PPM1H: variants seen among roughly 807,000 people sequenced by gnomAD.
PPM1H encodes the protein protein phosphatase 1H.
In PPM1H, 27 loss-of-function variants were observed where a neutral mutation model predicts 54.9. That is an observed-to-expected ratio of 0.49 (90% CI 0.36 to 0.68). The LOEUF (loss-of-function observed/expected upper bound fraction) is 0.68. Among genes scored for constraint, PPM1H ranks in the 30% least tolerant of loss-of-function variants. The probability of loss-of-function intolerance (pLI) is 0.00; values close to 1 mark genes in which losing one functional copy is unlikely to be tolerated. For missense variants in PPM1H, 596 were observed against 667.8 expected (o/e 0.89, Z 1.19); for synonymous variants, 305 against 270.8 (o/e 1.13, Z -1.24).
intron 4 of PPM1H, among the ~76,000 whole-genome samples, chr12:62,742,796 G>T (rs372837988): frequency 6.6e-6 from 1 of 152,128 alleles, no homozygotes; most frequent in African/African-American, 2.4e-5. Context: ...GAAAGTTGCC[G>T]GGGTTGAGGT....
intron 1 of PPM1H, among the ~76,000 whole-genome samples, chr12:62,911,902 C>T (rs1044387936): frequency 8.5e-5 from 13 of 152,208 alleles, no homozygotes; most frequent in Admixed American, 1.3e-4. Flanking sequence ...CACCCCTTAT[C>T]GCCTGATCCT....
rs574149301 is a variant in PPM1H at position 62,841,728 on chromosome 12, T to G, written c.246-9449A>C. On this transcript the variant is annotated intron_variant, in intron 1 of 9. Coordinates refer to ENST00000228705, the MANE Select transcript of PPM1H (RefSeq NM_020700.2). ...CATTAGTAGTAACATTAGCTGTGGA[T>G]ACACTTTGCTTTACCATTTGGAGGC... 1.2e-4 allele frequency among the ~76,000 whole-genome samples: 19 copies of G among 152,348 alleles called. No homozygotes were observed. In the South Asian group the frequency reaches 3.9e-3, roughly 32 times the overall value.
At chr12:62,774,584 C>A (rs1454536775) in intron 4 of PPM1H, among the ~76,000 whole-genome samples, 1 of 152,180 alleles carries the variant, frequency 6.6e-6, no homozygotes, top group East Asian at 1.9e-4. Flanking sequence ...TCAAATTATT[C>A]TCCTGCTTCA....
At chr12:62,913,643 T>C (rs919428616) in intron 1 of PPM1H, among the ~76,000 whole-genome samples, 3 of 152,174 alleles carry the variant, frequency 2.0e-5, no homozygotes, top group Non-Finnish European at 2.9e-5. Context: ...CTTGTCTTTG[T>C]GTACTTGGCA....
chr12:62,832,309 A>T, intron 1 of PPM1H, 30 bp from the exon 2 acceptor site: 1 of 1,580,784 alleles, frequency 6.3e-7, no homozygotes, highest in South Asian at 1.1e-5. Context: ...AGCTGGTCAG[A>T]CAGACCGATA....
intron 2 of PPM1H, among the ~76,000 whole-genome samples, chr12:62,804,885 T>C (rs966144392): frequency 2.6e-5 from 4 of 151,574 alleles, no homozygotes; most frequent in Admixed American, 6.6e-5. Context: ...CCGTTTTAGC[T>C]GGGATGGTCT....
intron 4 of PPM1H, among the ~76,000 whole-genome samples, chr12:62,771,494 A>G (rs144115600): frequency 3.9e-5 from 6 of 152,276 alleles, no homozygotes; most frequent in African/African-American, 9.6e-5. Context: ...CAGGAACGCT[A>G]TCAGAAAAGT....
At chr12:62,884,834 G>A (rs957011564) in intron 1 of PPM1H, among the ~76,000 whole-genome samples, 1 of 152,162 alleles carries the variant, frequency 6.6e-6, no homozygotes, top group Non-Finnish European at 1.5e-5. Context: ...GCACATCAAG[G>A]TTCTCATTTG....
At chr12:62,841,873 C>T (rs941559039) in intron 1 of PPM1H, among the ~76,000 whole-genome samples, 11 of 152,166 alleles carry the variant, frequency 7.2e-5, no homozygotes, top group Non-Finnish European at 1.5e-4. Flanking sequence ...TAAATATCAG[C>T]GTTTTCTTCT....
chr12:62,893,155 A>G (rs1268827309), intron 1 of PPM1H, among the ~76,000 whole-genome samples: 2 of 152,220 alleles, frequency 1.3e-5, no homozygotes, highest in African/African-American at 4.8e-5. Context: ...AAAATATGTG[A>G]CAGAGATCGT....
chr12:62,899,316 A>C (rs1354555065), intron 1 of PPM1H, among the ~76,000 whole-genome samples: 2 of 152,142 alleles, frequency 1.3e-5, no homozygotes, highest in African/African-American at 4.8e-5. Flanking sequence ...CACACCTGTA[A>C]TACCAGACAC....
chr12:62,696,953 CG>C (rs2076118265), intron 6 of PPM1H, among the ~76,000 whole-genome samples: 1 of 152,134 alleles, frequency 6.6e-6, no homozygotes, highest in African/African-American at 2.4e-5. Flanking sequence ...CCACTCTCTT[CG>C]GGTGACCAGC....
chr12:62,894,769 C>T (rs978890910), intron 1 of PPM1H, among the ~76,000 whole-genome samples: 8 of 152,174 alleles, frequency 5.3e-5, no homozygotes, highest in East Asian at 1.9e-4. Flanking sequence ...CCGTGGCTCA[C>T]GCCTTTAATC....
At chr12:62,845,871 G>T (rs1270519660) in intron 1 of PPM1H, among the ~76,000 whole-genome samples, 1 of 152,070 alleles carries the variant, frequency 6.6e-6, no homozygotes, top group Non-Finnish European at 1.5e-5. Flanking sequence ...TCTCCTTCCT[G>T]TCTCAAATAC....
In PPM1H at chr12:62,817,394, G is replaced by A. The variant is rs187822730; in HGVS notation, c.411+14720C>T. Among the ~76,000 whole-genome samples the A allele has an allele frequency of 2.8e-4, 42 of 151,468 alleles. No homozygotes were observed. In the East Asian group the frequency reaches 4.9e-3, roughly 18 times the overall value. Reference sequence around the variant, plus strand: ...GGAGAATGGCGTGAACCTGGCAGGCGGAGCTTGCAGTGAGCCAAGATAGCG... The same window carrying A: ...GGAGAATGGCGTGAACCTGGCAGGCAGAGCTTGCAGTGAGCCAAGATAGCG... On this transcript the variant is annotated intron_variant, in intron 2 of 9. Transcript: ENST00000228705.
chr12:62,767,768 G>A (rs992039522), intron 4 of PPM1H, among the ~76,000 whole-genome samples: 106 of 152,142 alleles, frequency 7.0e-4, no homozygotes, highest in Non-Finnish European at 1.5e-4. Flanking sequence ...GTAGGGCCAC[G>A]CTCCTTCTGA....
intron 5 of PPM1H, among the ~76,000 whole-genome samples, chr12:62,728,322 A>G (rs1483839061): frequency 6.6e-6 from 1 of 152,228 alleles, no homozygotes; most frequent in Admixed American, 6.5e-5. Flanking sequence ...GCCAGGAACA[A>G]GGACACCTCT....
intron 9 of PPM1H, among the ~76,000 whole-genome samples, chr12:62,656,656 G>C (rs1020730962): frequency 6.6e-6 from 1 of 152,138 alleles, no homozygotes; most frequent in Non-Finnish European, 1.5e-5. Flanking sequence ...GCAGGAACTG[G>C]GGAATTAATG....
chr12:62,785,647 A>G (rs1359842820), intron 4 of PPM1H, among the ~76,000 whole-genome samples: 1 of 152,198 alleles, frequency 6.6e-6, no homozygotes, highest in Non-Finnish European at 1.5e-5. Flanking sequence ...ATCTAGTCCA[A>G]TACCACTGCC....
Sources: allele counts gnomAD v4.1 joint callset (sites outside exome capture counted in the v4.1 genomes callset), GRCh38; gene constraint gnomAD v4.1.1; transcripts MANE v1.5; gene names NCBI Gene and HGNC (gene_info 2026-07-23, HGNC 2026-07-21).